Variants in CSAD observed in about 807,000 individuals in gnomAD.
CSAD encodes cysteine sulfinic acid decarboxylase, also known as P-selectin cytoplasmic tail-associated protein.
Under a neutral mutation model 61.5 loss-of-function variants are expected in CSAD, and 47 were observed. The observed-to-expected ratio is 0.76, with a 90% CI of 0.60 to 0.97. The LOEUF (loss-of-function observed/expected upper bound fraction) is 0.97, where lower values mean the gene tolerates loss of function less well. CSAD is among the 50% of genes least tolerant of loss of function. The pLI, the probability that CSAD is intolerant of heterozygous loss-of-function variation, is 0.00. For synonymous variants in CSAD, 245 were observed against 252.7 expected, an observed-to-expected ratio of 0.97 and a Z score of 0.29; for missense variants, 611 against 643.6, an observed-to-expected ratio of 0.95 and a Z score of 0.55.
At chr12:53,158,727 G>C in intron 16 of CSAD, 43 bp from the exon 17 acceptor site, 1 of 1,588,464 alleles carries the variant, frequency 6.3e-7, no homozygotes, top group Non-Finnish European at 8.6e-7. Flanking sequence ...GCCTGGGTCG[G>C]CTGACAGGTA....
intron 2 of CSAD, chr12:53,178,357 T>C (rs1322862212): frequency 2.6e-5 from 12 of 454,040 alleles, no homozygotes; most frequent in Non-Finnish European, 4.0e-5. Flanking sequence ...CCAGGCACAG[T>C]TGCCCACATC....
At chr12:53,161,473 C>A (rs1939273509) in intron 10 of CSAD, 84 bp from the exon 11 acceptor site, 3 of 1,088,752 alleles carry the variant, frequency 2.8e-6, no homozygotes, top group Non-Finnish European at 2.8e-6. Context: ...GCTCTAAGCT[C>A]TTTGCATGCC....
intron 14 of CSAD, 42 bp from the exon 15 acceptor site, chr12:53,159,980 C>T (rs772785273): frequency 1.2e-6 from 2 of 1,601,594 alleles, no homozygotes; most frequent in Non-Finnish European, 1.7e-6. Flanking sequence ...GGAGGAAAAG[C>T]AGAGATCCAG....
rs758520729 is a variant in CSAD, at chr12:53,170,450, C to G, written c.620G>C (p.Ser207Thr). The change falls in exon 9 of 17, where the codon AGT becomes ACT. Residue 207 changes from serine (S) to threonine (T), a missense_variant. Physicochemically the swap from Ser to Thr is moderately conservative, Grantham distance 58 (BLOSUM62 1). Transcript: ENST00000444623. Reference sequence around the variant, plus strand: ...CTCATCAGCCTTGACCACTCGGACACTGTCGGTGCCAAGTCCCAGAAACGC... The same window carrying G: ...CTCATCAGCCTTGACCACTCGGACAGTGTCGGTGCCAAGTCCCAGAAACGC... Reference protein sequence around the residue: ...GAAFLGLGTDSVRVVKADERG... With the variant: ...GAAFLGLGTDTVRVVKADERG... The G allele has an allele frequency of 9.9e-6, 16 of 1,614,080 alleles. No individual in the cohort carries two copies. The highest frequency in any genetic ancestry group is 1.4e-5 in the Non-Finnish European group (16 of 1,180,048).
At chr12:53,172,231 G>T in intron 6 of CSAD, 115 bp downstream of exon 6, 2 of 1,023,286 alleles carry the variant, frequency 2.0e-6, no homozygotes, top group Non-Finnish European at 1.5e-6. Context: ...TGCCGACAGG[G>T]ATTCCCAGAA....
chr12:53,165,024 A>G (rs1939731117), intron 10 of CSAD, among the ~76,000 whole-genome samples: 1 of 152,244 alleles, frequency 6.6e-6, no homozygotes, highest in South Asian at 2.1e-4. Context: ...ACTACTATCA[A>G]AGTAACAGAA....
In CSAD at chr12:53,180,880, G is replaced by T; in HGVS notation, c.-239C>A. The T allele has an allele frequency of 8.3e-7, 1 of 1,203,504 alleles. No homozygotes were observed. Among genetic ancestry groups the T allele is most frequent in the Non-Finnish European group, 1.1e-6 (1 of 944,082 alleles). 74.6% of individuals were successfully genotyped at this position (1,203,504 alleles called of 1,614,324 possible). ...AGACCGCAGCGTCGTCCGTACAGAC[G>T]GCAGCGCTTCAGTAGCTCGCAAGCC... On this transcript the variant is annotated 5_prime_UTR_variant, in exon 1 of 17. Coordinates refer to ENST00000444623, the MANE Select transcript of CSAD (RefSeq NM_001244705.2).
chr12:53,167,234 G>A (rs774293930), intron 10 of CSAD, among the ~76,000 whole-genome samples: 1 of 152,232 alleles, frequency 6.6e-6, no homozygotes, highest in South Asian at 2.1e-4. Flanking sequence ...GGTGGAAACA[G>A]TCCAGGCAAA....
At chr12:53,180,593 A>C in intron 1 of CSAD, 139 bp downstream of exon 1, 1 of 1,284,976 alleles carries the variant, frequency 7.8e-7, no homozygotes. Flanking sequence ...GTGCGTCCCC[A>C]AGCTCACCCG....
intron 10 of CSAD, chr12:53,164,477 A>C (rs957139664): frequency 6.1e-6 from 1 of 164,058 alleles, no homozygotes; most frequent in African/African-American, 2.4e-5. Context: ...GAGTTAACAC[A>C]GAAACAGAAA....
At chr12:53,158,995 C>G (rs1938912272) in intron 16 of CSAD, among the ~76,000 whole-genome samples, 1 of 152,174 alleles carries the variant, frequency 6.6e-6, no homozygotes, top group African/African-American at 2.4e-5. Flanking sequence ...TAACTTCAAG[C>G]CTTGGTCATC....
intron 8 of CSAD, chr12:53,171,122 G>A (rs1940524874): frequency 9.4e-6 from 7 of 742,524 alleles, no homozygotes; most frequent in East Asian, 5.5e-5. Flanking sequence ...CTGCACTCAC[G>A]GCCCCTCCTC....
In CSAD at chr12:53,173,393, C is replaced by T. The variant is rs576284984; in HGVS notation, c.78G>A (p.Gly26=). ...AVEALLRAVF[G]VVVDEAIQKG... The stretch of plus-strand genomic sequence containing the variant: ...TCTGAATGGCCTCATCCACAACAAC[C>T]CCAAACACGGCCCGGAGCAAGGCTT... The change falls in exon 4 of 17, where the codon GGG becomes GGA. Residue 26 remains glycine (G), a synonymous_variant. Transcript: ENST00000444623. 10 of 1,614,108 alleles carry T rather than the reference C, an allele frequency of 6.2e-6. No individual in the cohort carries two copies. In the African/African-American group the frequency reaches 6.7e-5, roughly 11 times the overall value.
rs752045367 is a variant in CSAD at position 53,171,899 on chromosome 12, T to A, written c.434A>T (p.Asp145Val). The change falls in exon 7 of 17, where the codon GAC becomes GTC. Residue 145 changes from aspartate to valine, a missense_variant. By Grantham distance (152) the Asp-to-Val change is radical. Transcript: ENST00000444623. ...TCACAAACCAGGGCAGAAGATTCCG[T>A]CCCCAGAGCTCCAGCCCACCAGGGC... is the stretch of plus-strand genomic sequence containing the variant. ...LRALVGWSSG[D>V]GIFCPGGSIS... 32 of 1,612,810 alleles carry A rather than the reference T, an allele frequency of 2.0e-5. No individual in the cohort carries two copies. The highest frequency in any genetic ancestry group is 2.4e-5 in the Non-Finnish European group (28 of 1,179,088).
chr12:53,175,144 A>G (rs1018016363), intron 2 of CSAD, among the ~76,000 whole-genome samples: 2 of 152,308 alleles, frequency 1.3e-5, no homozygotes, highest in East Asian at 1.9e-4. Context: ...AAATAAAGGG[A>G]AATTGCCACA....
chr12:53,180,157 G>A (rs1445966959), intron 1 of CSAD: 3 of 1,255,508 alleles, frequency 2.4e-6, no homozygotes, highest in African/African-American at 3.1e-5. Context: ...AATTCAGACT[G>A]TGGTTGAGCG....
At chr12:53,165,351 C>A (rs1278216133) in intron 10 of CSAD, among the ~76,000 whole-genome samples, 43 of 135,346 alleles carry the variant, frequency 3.2e-4, no homozygotes, top group African/African-American at 8.9e-4. Context: ...AAAAAAAAAA[C>A]AAAACAAAAC....
At chr12:53,179,364 T>C (rs1941375025) in intron 1 of CSAD, among the ~76,000 whole-genome samples, 1 of 152,186 alleles carries the variant, frequency 6.6e-6, no homozygotes, top group Non-Finnish European at 1.5e-5. Flanking sequence ...AAGATTTTTG[T>C]ATGAACACAG....
intron 2 of CSAD, among the ~76,000 whole-genome samples, chr12:53,177,476 A>G (rs1275803515): frequency 6.6e-6 from 1 of 152,184 alleles, no homozygotes; most frequent in African/African-American, 2.4e-5. Flanking sequence ...TTAATGGGCA[A>G]AGGATATGAA....
Sources: gnomAD v4.1 joint callset for allele counts (sites outside exome capture counted in the v4.1 genomes callset) on GRCh38, gnomAD v4.1.1 for gene constraint, MANE v1.5 for transcripts, NCBI Gene and HGNC (gene_info 2026-07-23, HGNC 2026-07-21) for gene names.